The following CA8 variants were observed in gnomAD, a reference collection of about 807,000 sequenced individuals.
The protein encoded by CA8 is carbonic anhydrase-related protein.
In CA8, 22 loss-of-function variants were observed where a neutral mutation model predicts 41.4. The observed-to-expected ratio is 0.53, with a 90% CI of 0.38 to 0.76. The LOEUF (loss-of-function observed/expected upper bound fraction) is 0.76. CA8 is among the 30% of genes least tolerant of loss of function. The probability of loss-of-function intolerance (pLI) is 0.00; values close to 1 mark genes in which losing one functional copy is unlikely to be tolerated. For synonymous variants in CA8, 121 were observed against 130.6 expected (o/e 0.93, Z 0.50); for missense variants, 270 against 352.8 (o/e 0.77, Z 1.88).
intron 7 of CA8, among the ~76,000 whole-genome samples, chr8:60,216,295 A>G (rs1807018859): frequency 6.6e-6 from 1 of 151,546 alleles, no homozygotes; most frequent in African/African-American, 2.4e-5. Flanking sequence ...ATATTCCCCT[A>G]AGATTATAAT....
intron 3 of CA8, among the ~76,000 whole-genome samples, chr8:60,241,308 C>T (rs150938104): frequency 7.8e-4 from 118 of 152,252 alleles, no homozygotes; most frequent in African/African-American, 2.6e-3. Context: ...TCTGCCAAAA[C>T]CTAACCAAGT....
At chr8:60,193,127 C>T in intron 8 of CA8, among the ~76,000 whole-genome samples, 1 of 152,048 alleles carries the variant, frequency 6.6e-6, no homozygotes, top group East Asian at 1.9e-4. Flanking sequence ...ATTTTTCTTT[C>T]CTGCACAACA....
At chr8:60,274,631 C>G (rs1460232420) in intron 2 of CA8, among the ~76,000 whole-genome samples, 1 of 152,108 alleles carries the variant, frequency 6.6e-6, no homozygotes, top group Non-Finnish European at 1.5e-5. Context: ...AAAAGGGCTC[C>G]AGGGAGCCTG....
intron 5 of CA8, among the ~76,000 whole-genome samples, chr8:60,226,411 G>A (rs1486209032): frequency 1.3e-5 from 2 of 152,188 alleles, no homozygotes; most frequent in African/African-American, 4.8e-5. Context: ...AATTGGAACA[G>A]ATAAGCTGAT....
intron 3 of CA8, among the ~76,000 whole-genome samples, chr8:60,248,749 C>T (rs1391762417): frequency 3.3e-5 from 5 of 151,798 alleles, no homozygotes; most frequent in Non-Finnish European, 5.9e-5. Flanking sequence ...TTTTTTGGTT[C>T]CATATGAAAT....
intron 1 of CA8, among the ~76,000 whole-genome samples, chr8:60,280,086 C>G (rs189509657): frequency 6.6e-6 from 1 of 151,878 alleles, no homozygotes; most frequent in African/African-American, 2.4e-5. Flanking sequence ...ACACAAAATC[C>G]CGGACTAGCA....
intron 2 of CA8, among the ~76,000 whole-genome samples, chr8:60,267,095 A>G (rs2130600737): frequency 6.6e-6 from 1 of 152,344 alleles, no homozygotes; most frequent in South Asian, 2.1e-4. Context: ...CAAAAACTCA[A>G]AGGAGAAGAA....
At chr8:60,202,131 C>T (rs1334726391) in intron 8 of CA8, among the ~76,000 whole-genome samples, 1 of 151,736 alleles carries the variant, frequency 6.6e-6, no homozygotes, top group Non-Finnish European at 1.5e-5. Flanking sequence ...GCAAGCTCCA[C>T]CTCCAGGGTT....
At chr8:60,214,491 A>G (rs12543642) in intron 7 of CA8, among the ~76,000 whole-genome samples, 55,841 of 152,100 alleles carry the variant, frequency 0.37, 10,709 homozygotes, top group Admixed American at 0.45. Context: ...TTGAAAATCT[A>G]TAACAAATGT....
intron 1 of CA8, 145 bp from the exon 2 acceptor site, chr8:60,280,025 T>A: frequency 1.6e-6 from 1 of 643,086 alleles, no homozygotes; most frequent in Non-Finnish European, 2.5e-6. Context: ...ATGGTAATTC[T>A]ATTTGTTTTT....
intron 7 of CA8, among the ~76,000 whole-genome samples, chr8:60,209,583 C>T (rs184547162): frequency 3.7e-4 from 56 of 152,274 alleles, no homozygotes; most frequent in African/African-American, 1.3e-3. Flanking sequence ...AAATGCTTTC[C>T]AAGTACATTT....
In CA8 at chr8:60,262,318, G is replaced by T. The variant is rs529487239; in HGVS notation, c.417+3607C>A. 2.9e-5 allele frequency among the ~76,000 whole-genome samples: 4 copies of T among 139,684 alleles called. No individual in the cohort carries two copies. In the South Asian group the frequency reaches 9.2e-4, roughly 32 times the overall value. The allele number at this position is 139,684 out of a possible 152,430, so 91.6% of individuals were successfully genotyped here. On this transcript the variant is annotated intron_variant, in intron 3 of 8. Coordinates refer to ENST00000317995, the MANE Select transcript of CA8 (RefSeq NM_004056.6). ...AATGGTGAATGCATAGAGTGTACTA[G>T]TGTGTTAGCAAAATGGCAAAAAAAA...
At chr8:60,241,484 G>A (rs74675770) in intron 3 of CA8, among the ~76,000 whole-genome samples, 6,145 of 152,240 alleles carry the variant, frequency 0.04, 193 homozygotes, top group Middle Eastern at 0.082. Context: ...AAGCAGAATG[G>A]CTGCCTCTTT....
intron 4 of CA8, among the ~76,000 whole-genome samples, chr8:60,229,365 A>G (rs1352220193): frequency 2.6e-5 from 4 of 152,272 alleles, no homozygotes; most frequent in African/African-American, 2.4e-5. Flanking sequence ...ACTGGGGTCC[A>G]TGGTCAGTGC....
chr8:60,276,770 A>AT (rs1804250108), intron 2 of CA8, among the ~76,000 whole-genome samples: 1 of 152,180 alleles, frequency 6.6e-6, no homozygotes, highest in African/African-American at 2.4e-5. Flanking sequence ...TTTAAAATTA[A>AT]TTTAAGTATA....
rs138612895 is a variant in CA8, at chr8:60,255,261, C to T, written c.417+10664G>A. Among the ~76,000 whole-genome samples the T allele has an allele frequency of 1.3e-3, 202 of 151,772 alleles. 1 individual carries two copies. The highest frequency in any genetic ancestry group is 3.6e-3 in the African/African-American group (150 of 41,382). On this transcript the variant is annotated intron_variant, in intron 3 of 8. Coordinates refer to ENST00000317995, the MANE Select transcript of CA8 (RefSeq NM_004056.6). The stretch of plus-strand genomic sequence containing the variant: ...CACCCCCAGCCCCCCACCGCCCTAC[C>T]TTTCCCGCCCCCGCCTAATTCTGGA...
At chr8:60,255,059 A>G (rs1454854663) in intron 3 of CA8, among the ~76,000 whole-genome samples, 1 of 152,108 alleles carries the variant, frequency 6.6e-6, no homozygotes, top group Admixed American at 6.5e-5. Context: ...AGAGTCATCA[A>G]TCTTACTAAT....
At chr8:60,245,579 T>C (rs980734385) in intron 3 of CA8, among the ~76,000 whole-genome samples, 1 of 152,234 alleles carries the variant, frequency 6.6e-6, no homozygotes, top group Non-Finnish European at 1.5e-5. Context: ...GACTCTCCTG[T>C]TAATAAAATA....
At chr8:60,273,690 G>A (rs1212512845) in intron 2 of CA8, among the ~76,000 whole-genome samples, 1 of 152,228 alleles carries the variant, frequency 6.6e-6, no homozygotes, top group Non-Finnish European at 1.5e-5. Flanking sequence ...GTGGCCCAGA[G>A]ACTAACAGGA....
Sources: gnomAD v4.1 joint callset for allele counts (sites outside exome capture counted in the v4.1 genomes callset) on GRCh38, gnomAD v4.1.1 for gene constraint, MANE v1.5 for transcripts, NCBI Gene and HGNC (gene_info 2026-07-23, HGNC 2026-07-21) for gene names.